Variants in PVT1 observed in about 807,000 individuals in gnomAD.
PVT1 encodes Pvt1 oncogene.
intron 2 of PVT1, among the ~76,000 whole-genome samples, chr8:127,882,885 C>T (rs538911454): frequency 3.5e-4 from 54 of 152,228 alleles, no homozygotes; most frequent in Admixed American, 3.5e-3. Context: ...AACTGCTGCC[C>T]CATTGACCGG....
At chr8:127,888,598 C>T (rs191985080) in intron 2 of PVT1, among the ~76,000 whole-genome samples, 2 of 152,288 alleles carry the variant, frequency 1.3e-5, no homozygotes, top group East Asian at 3.9e-4. Context: ...TAATCACATG[C>T]GTCCTTAGGA....
chr8:128,039,074 C>T (rs1813499370), intron 4 of PVT1, among the ~76,000 whole-genome samples: 1 of 152,166 alleles, frequency 6.6e-6, no homozygotes, highest in African/African-American at 2.4e-5. Flanking sequence ...AGGTGCCCCT[C>T]CTCTTGGCCA....
intron 3 of PVT1, chr8:127,940,600 G>GGC (rs1816337179): frequency 6.6e-6 from 1 of 150,480 alleles, no homozygotes; most frequent in Non-Finnish European, 1.5e-5. Context: ...TTGTGGGGGG[G>GGC]GGCGGTGGAG....
intron 3 of PVT1, among the ~76,000 whole-genome samples, chr8:127,985,114 AC>A (rs1340925504): frequency 6.9e-6 from 1 of 145,872 alleles, no homozygotes; most frequent in Non-Finnish European, 1.5e-5. Context: ...GCTCACTGTA[AC>A]CTCTGCTGCC....
chr8:127,850,550 C>T (rs1055371235), intron 2 of PVT1, among the ~76,000 whole-genome samples: 3 of 152,150 alleles, frequency 2.0e-5, no homozygotes, highest in Non-Finnish European at 4.4e-5. Context: ...GGTGTGGACC[C>T]ATGCACAGCC....
chr8:128,001,139 G>A (rs1817172315), intron 4 of PVT1, among the ~76,000 whole-genome samples: 1 of 152,068 alleles, frequency 6.6e-6, no homozygotes, highest in African/African-American at 2.4e-5. Context: ...ACCGCCTACC[G>A]CCCACCTGCA....
chr8:127,897,079 TG>T (rs1815688537), intron 3 of PVT1, among the ~76,000 whole-genome samples: 1 of 152,116 alleles, frequency 6.6e-6, no homozygotes, highest in Non-Finnish European at 1.5e-5. Context: ...CACTGGCCTG[TG>T]GAATTCCAAA....
At chr8:127,836,884 C>T (rs1175320317) in intron 2 of PVT1, among the ~76,000 whole-genome samples, 3 of 152,002 alleles carry the variant, frequency 2.0e-5, no homozygotes, top group Non-Finnish European at 2.9e-5. Context: ...GCCGGGAGTC[C>T]CCCACCTGCT....
intron 3 of PVT1, among the ~76,000 whole-genome samples, chr8:127,971,772 G>C (rs1029404157): frequency 2.0e-5 from 3 of 152,202 alleles, no homozygotes; most frequent in Non-Finnish European, 4.4e-5. Flanking sequence ...GCTACTGCAG[G>C]TTGTGTGCAT....
chr8:128,085,608 T>G (rs1389904956), intron 5 of PVT1, among the ~76,000 whole-genome samples: 1 of 152,206 alleles, frequency 6.6e-6, no homozygotes, highest in African/African-American at 2.4e-5. Flanking sequence ...CCTAGCACGC[T>G]TCTCCACACA....
chr8:128,094,529 C>T (rs1412281925), intron 5 of PVT1, among the ~76,000 whole-genome samples: 7 of 152,160 alleles, frequency 4.6e-5, no homozygotes, highest in Non-Finnish European at 8.8e-5. Context: ...TGGGATGGCC[C>T]AGAAAACCAA....
At chr8:127,935,789 G>A (rs556282159) in intron 3 of PVT1, among the ~76,000 whole-genome samples, 47 of 152,268 alleles carry the variant, frequency 3.1e-4, no homozygotes, top group African/African-American at 7.2e-4. Context: ...CGTATGGAGC[G>A]GAGAACAGTG....
intron 3 of PVT1, among the ~76,000 whole-genome samples, chr8:127,971,445 G>T (rs1164059519): frequency 6.6e-6 from 1 of 152,242 alleles, no homozygotes; most frequent in Non-Finnish European, 1.5e-5. Context: ...TAGCTTTCAG[G>T]TGAGAGCTCT....
intron 2 of PVT1, among the ~76,000 whole-genome samples, chr8:127,831,110 T>C (rs1287419968): frequency 6.7e-6 from 1 of 150,080 alleles, no homozygotes; most frequent in East Asian, 2.0e-4. Context: ...TACGTGTGTG[T>C]GTGTATGTAT....
intron 3 of PVT1, among the ~76,000 whole-genome samples, chr8:127,943,757 C>T (rs1003899047): frequency 1.3e-5 from 2 of 152,148 alleles, no homozygotes; most frequent in East Asian, 1.9e-4. Context: ...TTAGGGCTGA[C>T]GTGGGCTCTT....
At chr8:127,817,736 A>T (rs973084050) in intron 2 of PVT1, among the ~76,000 whole-genome samples, 13 of 151,104 alleles carry the variant, frequency 8.6e-5, no homozygotes, top group Admixed American at 2.0e-4. Flanking sequence ...AAAAATAAAA[A>T]AAAAAAAATT....
chr8:128,006,606 T>G (rs1211022718), intron 4 of PVT1, among the ~76,000 whole-genome samples: 1 of 152,244 alleles, frequency 6.6e-6, no homozygotes, highest in Non-Finnish European at 1.5e-5. Flanking sequence ...TGGATAATTC[T>G]TGTCTGAAAC....
chr8:128,073,723 A>G (rs1237038996), intron 5 of PVT1, among the ~76,000 whole-genome samples: 1 of 152,116 alleles, frequency 6.6e-6, no homozygotes, highest in Non-Finnish European at 1.5e-5. Context: ...GATACTGTCT[A>G]GAATACCAGA....
chr8:127,997,060 TGTTTG>T lies in PVT1; in HGVS notation n.912+7770_912+7774del, dbSNP rs1563660941. ...TTTGCTTTCGTTTTTTTTTTTTGTT[TGTTTG>T]TTTTTTGATACAGAGTTTCACTCTT... On this transcript the variant is annotated intron_variant and non_coding_transcript_variant, in intron 4 of 10. Transcript: ENST00000651587. Among the ~76,000 whole-genome samples, 741 of 133,504 alleles carry T rather than the reference TGTTTG, an allele frequency of 5.6e-3. 83 individuals are homozygous for T. The highest frequency in any genetic ancestry group is 0.012 in the Admixed American group (160 of 12,982). 87.6% of individuals were successfully genotyped at this position (133,504 alleles called of 152,430 possible).
Sources: gnomAD v4.1 joint callset for allele counts (sites outside exome capture counted in the v4.1 genomes callset) on GRCh38, gnomAD v4.1.1 for gene constraint, MANE v1.5 for transcripts, NCBI Gene and HGNC (gene_info 2026-07-23, HGNC 2026-07-21) for gene names.